Variants in LRP12 observed in about 807,000 individuals in gnomAD.
LRP12 encodes low-density lipoprotein receptor-related protein 12.
A neutral mutation model predicts 66.0 loss-of-function variants in LRP12; 14 were observed. That is an observed-to-expected ratio of 0.21 (90% CI 0.14 to 0.33). The LOEUF is 0.33. Among genes scored for constraint, LRP12 ranks in the 10% least tolerant of loss-of-function variants. The pLI is 1.00. For synonymous variants in LRP12, 357 were observed against 359.1 expected (o/e 0.99, Z 0.07); for missense variants, 889 against 1,053.4 (o/e 0.84, Z 2.16).
chr8:104,566,262 A>G, intron 1 of LRP12: 1 of 479,456 alleles, frequency 2.1e-6, no homozygotes, highest in East Asian at 4.9e-5. Context: ...CTATAGTTAA[A>G]GTAGAACCAG....
At chr8:104,522,874 A>G (rs925251053) in intron 2 of LRP12, among the ~76,000 whole-genome samples, 1 of 152,174 alleles carries the variant, frequency 6.6e-6, no homozygotes, top group Non-Finnish European at 1.5e-5. Context: ...TTTGACAGCA[A>G]ATAAAAGGTT....
intron 2 of LRP12, among the ~76,000 whole-genome samples, chr8:104,527,194 G>A (rs1301267067): frequency 2.1e-5 from 3 of 146,124 alleles, no homozygotes; most frequent in Non-Finnish European, 3.0e-5. Context: ...AGGTGCTGGA[G>A]AGGATGTGGA....
intron 2 of LRP12, among the ~76,000 whole-genome samples, chr8:104,521,784 A>C (rs1395907026): frequency 6.6e-6 from 1 of 151,864 alleles, no homozygotes; most frequent in African/African-American, 2.4e-5. Context: ...TCTTTTCTTC[A>C]TCTGAAACAT....
chr8:104,566,426 A>G (rs1812005335), intron 1 of LRP12: 1 of 241,694 alleles, frequency 4.1e-6, no homozygotes, highest in African/African-American at 2.3e-5. Flanking sequence ...GGAAATGGCC[A>G]ATACAATTAC....
At chr8:104,499,585 T>C in intron 3 of LRP12, 66 bp from the exon 4 acceptor site, 5 of 1,065,508 alleles carry the variant, frequency 4.7e-6, no homozygotes, top group Non-Finnish European at 6.9e-6. Context: ...TATTACAAAG[T>C]AACTGAGGAT....
chr8:104,566,690 C>G (rs947561179), intron 1 of LRP12, among the ~76,000 whole-genome samples: 1 of 152,056 alleles, frequency 6.6e-6, no homozygotes, highest in African/African-American at 2.4e-5. Flanking sequence ...TAGAAAAATT[C>G]CTACAGCTCT....
At chr8:104,526,246 G>T (rs919333836) in intron 2 of LRP12, among the ~76,000 whole-genome samples, 3 of 151,902 alleles carry the variant, frequency 2.0e-5, no homozygotes, top group Non-Finnish European at 2.9e-5. Flanking sequence ...CATGAAAATG[G>T]CCATACTGCC....
intron 1 of LRP12, among the ~76,000 whole-genome samples, chr8:104,550,065 C>G (rs1811703543): frequency 6.6e-6 from 1 of 152,168 alleles, no homozygotes; most frequent in South Asian, 2.1e-4. Flanking sequence ...TTCTCCTAAA[C>G]TGCAATTTTT....
Position 104,588,989 on chromosome 8 carries a change from C to CGCCGCCGCCGCA in LRP12, c.-93_-92insTGCGGCGGCGGC. 1 of 875,270 alleles carries CGCCGCCGCCGCA rather than the reference C, an allele frequency of 1.1e-6. No individual in the cohort carries two copies. 54.2% of individuals were successfully genotyped at this position (875,270 alleles called of 1,614,324 possible). ...ACGCCGACGCCGCCGCCGCCGCCGCCGCCGCCGCCGAGCCACCGGCTGCTC... is the reference window on the plus strand; with the variant it reads ...ACGCCGACGCCGCCGCCGCCGCCGCCGCCGCCGCCGCAGCCGCCGCCGAGCCACCGGCTGCTC... On this transcript the variant is annotated 5_prime_UTR_variant, in exon 1 of 7. Coordinates refer to ENST00000276654, the MANE Select transcript of LRP12 (RefSeq NM_013437.5).
intron 2 of LRP12, among the ~76,000 whole-genome samples, chr8:104,526,269 T>C (rs369654518): frequency 3.3e-5 from 5 of 152,014 alleles, no homozygotes; most frequent in East Asian, 1.9e-4. Flanking sequence ...AGGTAATTTA[T>C]AGATTCAATG....
In LRP12 at chr8:104,513,500, T is replaced by C. The variant is rs182310134; in HGVS notation, c.137-4426A>G. On this transcript the variant is annotated intron_variant, in intron 2 of 6. Coordinates refer to ENST00000276654, the MANE Select transcript of LRP12 (RefSeq NM_013437.5). The stretch of plus-strand genomic sequence containing the variant: ...GCATTTTTTCTCTGACCCACTGAAA[T>C]AGACTTTCAATTCTGACCTTATCTC... Among the ~76,000 whole-genome samples, 15 of 152,258 alleles carry C rather than the reference T, an allele frequency of 9.9e-5. No individual in the cohort carries two copies. The East Asian group carries it at 1.7e-3, about 18-fold the overall frequency.
At chr8:104,573,426 C>T (rs921579719) in intron 1 of LRP12, among the ~76,000 whole-genome samples, 1 of 152,136 alleles carries the variant, frequency 6.6e-6, no homozygotes, top group South Asian at 2.1e-4. Flanking sequence ...GTGAGTTCCA[C>T]TTCTAATGGA....
At position 104,558,221 on chromosome 8, in the gene LRP12, CA is replaced by C. The variant is rs369624413; in HGVS notation, c.80-26259del. Reference sequence around the variant, plus strand: ...TAAGACTTCATCAAAAACAAACAAACAAAAAAAAACAGAAACAAACAAACAA... The same window carrying C: ...TAAGACTTCATCAAAAACAAACAAACAAAAAAAACAGAAACAAACAAACAA... On this transcript the variant is annotated intron_variant, in intron 1 of 6. Coordinates refer to ENST00000276654, the MANE Select transcript of LRP12 (RefSeq NM_013437.5). Among the ~76,000 whole-genome samples the C allele has an allele frequency of 2.9e-4, 44 of 149,530 alleles. No individual in the cohort carries two copies. In the South Asian group the frequency reaches 7.8e-3, roughly 27 times the overall value.
In LRP12 at chr8:104,589,063, C is replaced by A. The variant is rs1231518330; in HGVS notation, c.-166G>T. ...AGGGGGAAGGGAGGGGCCGCCGCCG[C>A]CCGCGCGCGCTCCCTCCTCCCTCCT... On this transcript the variant is annotated 5_prime_UTR_variant, in exon 1 of 7. Transcript: ENST00000276654. The A allele has an allele frequency of 1.3e-5, 4 of 317,722 alleles. No homozygotes were observed. Among genetic ancestry groups the A allele is most frequent in the Non-Finnish European group, 2.3e-5 (4 of 177,108 alleles). The allele number at this position is 317,722 out of a possible 1,614,324, so 19.7% of individuals were successfully genotyped here.
chr8:104,588,940 G>A lies in LRP12; in HGVS notation c.-43C>T, dbSNP rs752439481. 4 of 1,476,538 alleles carry A rather than the reference G, an allele frequency of 2.7e-6. No homozygotes were observed. The highest frequency in any genetic ancestry group is 1.2e-5 in the South Asian group (1 of 81,176). The allele number at this position is 1,476,538 out of a possible 1,614,324, so 91.5% of individuals were successfully genotyped here. ...AGAGAGAGGAGGAGACGGAGGAGGAGGGAGGAGAAGCTGGAGGTAGACGAC... is the reference window on the plus strand; with the variant it reads ...AGAGAGAGGAGGAGACGGAGGAGGAAGGAGGAGAAGCTGGAGGTAGACGAC... On this transcript the variant is annotated 5_prime_UTR_variant, in exon 1 of 7. Coordinates refer to ENST00000276654, the MANE Select transcript of LRP12 (RefSeq NM_013437.5).
At chr8:104,515,250 T>C (rs1057379371) in intron 2 of LRP12, among the ~76,000 whole-genome samples, 4 of 152,216 alleles carry the variant, frequency 2.6e-5, no homozygotes, top group African/African-American at 9.6e-5. Context: ...ATTCATACCT[T>C]TTCTATTGCT....
intron 2 of LRP12, among the ~76,000 whole-genome samples, chr8:104,511,981 A>G (rs1811006212): frequency 2.0e-5 from 3 of 152,190 alleles, no homozygotes; most frequent in African/African-American, 7.2e-5. Flanking sequence ...GACGTTTTAG[A>G]AAAAGACTAT....
intron 2 of LRP12, among the ~76,000 whole-genome samples, chr8:104,529,408 T>C (rs944427740): frequency 3.9e-5 from 6 of 152,140 alleles, no homozygotes; most frequent in African/African-American, 1.4e-4. Flanking sequence ...AACTAATACA[T>C]ATTTCTAAAT....
At chr8:104,580,356 A>T (rs1161965752) in intron 1 of LRP12, among the ~76,000 whole-genome samples, 6 of 139,278 alleles carry the variant, frequency 4.3e-5, no homozygotes, top group African/African-American at 1.4e-4. Flanking sequence ...CTCTACTAAA[A>T]ATAAAAAAAA....
Sources: allele counts gnomAD v4.1 joint callset (sites outside exome capture counted in the v4.1 genomes callset), GRCh38; gene constraint gnomAD v4.1.1; transcripts MANE v1.5; gene names NCBI Gene and HGNC (gene_info 2026-07-23, HGNC 2026-07-21).